SLC24A2: variants seen among roughly 807,000 people sequenced by gnomAD.
SLC24A2 encodes the protein sodium/potassium/calcium exchanger 2.
Under a neutral mutation model 62.0 loss-of-function variants are expected in SLC24A2, and 36 were observed. That is an observed-to-expected ratio of 0.58 (90% CI 0.44 to 0.77). SLC24A2 has a LOEUF of 0.77. Ranked by LOEUF, SLC24A2 falls within the 30% of genes least tolerant of loss-of-function variation. The probability of loss-of-function intolerance (pLI) is 0.00; values close to 1 mark genes in which losing one functional copy is unlikely to be tolerated. For missense variants in SLC24A2, 846 were observed against 817.9 expected (o/e 1.03, Z -0.42); for synonymous variants, 358 against 294.0 (o/e 1.22, Z -2.23).
At chr9:20,102,441 T>C in the SLC24A2 span, among the ~76,000 whole-genome samples, 356 of 147,894 alleles carry the variant, frequency 2.4e-3, 1 homozygote, top group Middle Eastern at 0.028. Flanking sequence ...GAGTTGAACA[T>C]TGAGAACACA....
chr9:20,189,755 G>T, the SLC24A2 span, among the ~76,000 whole-genome samples: 4 of 152,142 alleles, frequency 2.6e-5, no homozygotes, highest in African/African-American at 9.7e-5. Flanking sequence ...CTTTCTCAAG[G>T]TCTCTGCAAA....
intron 2 of SLC24A2, among the ~76,000 whole-genome samples, chr9:19,702,446 T>A (rs960968740): frequency 1.3e-5 from 2 of 152,168 alleles, no homozygotes; most frequent in African/African-American, 4.8e-5. Flanking sequence ...CACTTTGGGG[T>A]TCTGCAAGAT....
intron 2 of SLC24A2, among the ~76,000 whole-genome samples, chr9:19,785,490 A>C (rs1823137357): frequency 6.6e-6 from 1 of 152,244 alleles, no homozygotes; most frequent in African/African-American, 2.4e-5. Context: ...CGGTGACACA[A>C]ACTTTCTTCC....
At chr9:19,846,133 TC>T in the SLC24A2 span, among the ~76,000 whole-genome samples, 1 of 152,176 alleles carries the variant, frequency 6.6e-6, no homozygotes, top group African/African-American at 2.4e-5. Flanking sequence ...AAATTTAATT[TC>T]AGAATTTCTT....
At chr9:20,284,017 A>G in the SLC24A2 span, among the ~76,000 whole-genome samples, 1 of 152,082 alleles carries the variant, frequency 6.6e-6, no homozygotes, top group African/African-American at 2.4e-5. Flanking sequence ...TTCAATGAAC[A>G]TTTTTAATGT....
chr9:19,713,236 G>T (rs1349122016), intron 2 of SLC24A2, among the ~76,000 whole-genome samples: 1 of 151,880 alleles, frequency 6.6e-6, no homozygotes, highest in African/African-American at 2.4e-5. Flanking sequence ...AATGAAGGAA[G>T]GAAGTACCTG....
chr9:19,864,764 G>A, the SLC24A2 span, among the ~76,000 whole-genome samples: 2 of 151,944 alleles, frequency 1.3e-5, no homozygotes, highest in African/African-American at 4.8e-5. Context: ...AGCCTTTCCT[G>A]TAAGATCTAG....
intron 2 of SLC24A2, among the ~76,000 whole-genome samples, chr9:19,691,815 G>A (rs1371368502): frequency 4.6e-5 from 7 of 152,094 alleles, no homozygotes; most frequent in African/African-American, 1.7e-4. Context: ...TTCAAGTCAA[G>A]AACAAGGATG....
At chr9:20,094,088 G>C in the SLC24A2 span, among the ~76,000 whole-genome samples, 1,188 of 152,228 alleles carry the variant, frequency 7.8e-3, 9 homozygotes, top group Non-Finnish European at 0.013. Context: ...TTGATATTTG[G>C]ACTGATAGTC....
At chr9:19,792,040 A>T (rs1823325608), upstream of SLC24A2, among the ~76,000 whole-genome samples, 1 of 152,236 alleles carries the variant, frequency 6.6e-6, no homozygotes, top group Non-Finnish European at 1.5e-5. Context: ...TCACTAGGTC[A>T]TACCTAAGCT....
chr9:19,756,356 C>G (rs1822140152), intron 2 of SLC24A2, among the ~76,000 whole-genome samples: 2 of 152,124 alleles, frequency 1.3e-5, no homozygotes. Context: ...CAAAGGGACT[C>G]TGAGAAGAAG....
the SLC24A2 span, among the ~76,000 whole-genome samples, chr9:20,270,784 T>C: frequency 6.6e-6 from 1 of 152,362 alleles, no homozygotes; most frequent in Middle Eastern, 3.4e-3. Flanking sequence ...GAACTTTGCA[T>C]AAATTTATTT....
the SLC24A2 span, among the ~76,000 whole-genome samples, chr9:20,209,578 AC>A: frequency 1.3e-5 from 2 of 152,142 alleles, no homozygotes; most frequent in South Asian, 2.1e-4. Flanking sequence ...ACACCCCCAG[AC>A]TGGGGGCTCT....
the SLC24A2 span, among the ~76,000 whole-genome samples, chr9:19,809,948 C>T: frequency 1.3e-5 from 2 of 152,096 alleles, no homozygotes; most frequent in African/African-American, 4.8e-5. Context: ...CTAAATTTTC[C>T]TGGTGCCAGA....
At chr9:19,525,792 G>A (rs1221372602) in intron 9 of SLC24A2, among the ~76,000 whole-genome samples, 1 of 124,338 alleles carries the variant, frequency 8.0e-6, no homozygotes, top group Admixed American at 8.9e-5. Context: ...TTTTTTTATA[G>A]CCAACCTAGT....
Position 19,573,333 on chromosome 9 carries a change from A to T in SLC24A2, c.1347+18T>A. The T allele has an allele frequency of 6.7e-7, 1 of 1,483,276 alleles. No individual in the cohort carries two copies. Among genetic ancestry groups the T allele is most frequent in the East Asian group, 2.3e-5 (1 of 44,214 alleles). The allele number at this position is 1,483,276 out of a possible 1,614,324, so 91.9% of individuals were successfully genotyped here. A position where few individuals can be genotyped will look rare whatever the true frequency, so the allele number is the denominator to read the frequency against. On this transcript the variant is annotated intron_variant, in intron 7 of 10. Coordinates refer to ENST00000341998, the MANE Select transcript of SLC24A2 (RefSeq NM_020344.4). ...GTTAAGAACAACAGCCCAGAAGAGC[A>T]ATGGAGAAAAGCCATACCTGGGCTT...
chr9:20,026,104 G>C, the SLC24A2 span, among the ~76,000 whole-genome samples: 1 of 152,108 alleles, frequency 6.6e-6, no homozygotes, highest in African/African-American at 2.4e-5. Flanking sequence ...CTCAGCAATA[G>C]GATGGGGATT....
chr9:19,836,183 A>G, the SLC24A2 span, among the ~76,000 whole-genome samples: 1 of 152,180 alleles, frequency 6.6e-6, no homozygotes, highest in Non-Finnish European at 1.5e-5. Flanking sequence ...AAGCAAGAGC[A>G]AACACATTTA....
chr9:20,211,734 T>G, the SLC24A2 span, among the ~76,000 whole-genome samples: 1 of 152,172 alleles, frequency 6.6e-6, no homozygotes, highest in Non-Finnish European at 1.5e-5. Context: ...CCAATTTATA[T>G]TTTCAAAAAT....
Sources: allele counts gnomAD v4.1 joint callset (sites outside exome capture counted in the v4.1 genomes callset), GRCh38; gene constraint gnomAD v4.1.1; transcripts MANE v1.5; gene names NCBI Gene and HGNC (gene_info 2026-07-23, HGNC 2026-07-21).